Variants in GRAMD4 observed in about 807,000 individuals in gnomAD.
GRAMD4 encodes GRAM domain containing 4, also known as GRAM domain-containing protein 4.
In GRAMD4, 25 loss-of-function variants were observed where a neutral mutation model predicts 83.9. The ratio of observed to expected loss-of-function variants is 0.30; its 90% CI spans 0.22 to 0.42. The LOEUF (loss-of-function observed/expected upper bound fraction) is 0.42, where lower values mean the gene tolerates loss of function less well. Among genes scored for constraint, GRAMD4 ranks in the 10% least tolerant of loss-of-function variants. The pLI, the probability that GRAMD4 is intolerant of heterozygous loss-of-function variation, is 1.00. For missense variants in GRAMD4, 593 were observed against 788.7 expected (o/e 0.75, Z 2.97); for synonymous variants, 336 against 320.9 (o/e 1.05, Z -0.50).
chr22:46,635,076 T>C (rs1465388872), intron 2 of GRAMD4, among the ~76,000 whole-genome samples: 1 of 118,698 alleles, frequency 8.4e-6, no homozygotes, highest in Non-Finnish European at 2.1e-5. Flanking sequence ...TGGCCACTCC[T>C]GTCTTGGGGA....
At position 46,672,014 on chromosome 22, in the gene GRAMD4, C is replaced by T. The variant is rs1042208913; in HGVS notation, c.1085-829C>T. ...GGGCCCCTGCAGGGAGGGCCTGCCA[C>T]GTCTGGTCTGGTCTGGCGGGCTGTG... On this transcript the variant is annotated intron_variant, in intron 13 of 18. Transcript: ENST00000406902. This position sits in a 1 kb window ranked among gnomAD's most constrained non-coding sequence, Gnocchi z 4.7. 1.3e-5 allele frequency among the ~76,000 whole-genome samples: 2 copies of T among 152,260 alleles called. No homozygotes were observed. Among genetic ancestry groups the T allele is most frequent in the African/African-American group, 4.8e-5 (2 of 41,480 alleles).
chr22:46,673,540 G>C lies in GRAMD4; in HGVS notation c.1240-130G>C, dbSNP rs1424971221. On this transcript the variant is annotated intron_variant, in intron 14 of 18. Transcript: ENST00000406902. Reference sequence around the variant, plus strand: ...CTGGAAGAAGGAGCCGCTCTGGGCCGGAAGGGACCTCGGGAACGTCTTCCC... The same window carrying C: ...CTGGAAGAAGGAGCCGCTCTGGGCCCGAAGGGACCTCGGGAACGTCTTCCC... The C allele has an allele frequency of 6.9e-6, 8 of 1,164,432 alleles. No homozygotes were observed. In the Admixed American group the frequency reaches 1.6e-4, roughly 23 times the overall value. 72.1% of individuals were successfully genotyped at this position (1,164,432 alleles called of 1,614,324 possible). A position where few individuals can be genotyped will look rare whatever the true frequency, so the allele number is the denominator to read the frequency against.
chr22:46,671,232 A>G (rs889271485), intron 13 of GRAMD4: 2 of 290,952 alleles, frequency 6.9e-6, no homozygotes, highest in Admixed American at 7.5e-5. Context: ...CCCTCCTCAC[A>G]CCTAGCATCT....
chr22:46,680,234 G>A (rs945052348), downstream of GRAMD4, among the ~76,000 whole-genome samples: 5 of 152,084 alleles, frequency 3.3e-5, no homozygotes, highest in South Asian at 2.1e-4. Flanking sequence ...AACACTTGGG[G>A]CTTGGTCCAT....
intron 3 of GRAMD4, among the ~76,000 whole-genome samples, chr22:46,640,960 A>G (rs1034028356): frequency 2.0e-5 from 3 of 152,248 alleles, no homozygotes; most frequent in Non-Finnish European, 4.4e-5. Context: ...AAAAAAGCAA[A>G]CAGCTTTTCG....
At chr22:46,616,672 G>A (rs531903470), upstream of GRAMD4, among the ~76,000 whole-genome samples, 2 of 124,804 alleles carry the variant, frequency 1.6e-5, no homozygotes, top group African/African-American at 6.3e-5. Flanking sequence ...CTGTGTGTAG[G>A]TTCCCCTGTG....
intron 1 of GRAMD4, among the ~76,000 whole-genome samples, chr22:46,577,695 C>T (rs1416055953): frequency 1.3e-5 from 2 of 152,090 alleles, no homozygotes. Context: ...CCGGGTGGGA[C>T]GGGAGAGGAG....
In GRAMD4 at chr22:46,668,727, C is replaced by T. The variant is rs200059488; in HGVS notation, c.969C>T (p.Ile323=). The T allele has an allele frequency of 1.9e-6, 3 of 1,609,318 alleles. No homozygotes were observed. In the African/African-American group the frequency reaches 4.0e-5, roughly 21 times the overall value. ...FGKMADILEK[I]KNLFMWVQPE... is the part of the protein sequence containing the mutation. Reference sequence around the variant, plus strand: ...AGATGGCTGACATCCTGGAGAAGATCAAGAAGTAAGTCCCGCCCCCCACCC... The same window carrying T: ...AGATGGCTGACATCCTGGAGAAGATTAAGAAGTAAGTCCCGCCCCCCACCC... The change falls in exon 12 of 19, where the codon ATC becomes ATT. Residue 323 remains isoleucine (I), a synonymous_variant. Coordinates refer to ENST00000406902, the MANE Select transcript of GRAMD4 (RefSeq NM_015124.5).
At chr22:46,643,175 C>CATG (rs2082010510) in intron 3 of GRAMD4, among the ~76,000 whole-genome samples, 1 of 141,912 alleles carries the variant, frequency 7.0e-6, no homozygotes, top group Non-Finnish European at 1.5e-5. Context: ...ATCCATCCAT[C>CATG]CATCCATCCA....
At chr22:46,665,515 G>C in intron 8 of GRAMD4, 100 bp from the exon 9 acceptor site, 1 of 661,004 alleles carries the variant, frequency 1.5e-6, no homozygotes, top group East Asian at 2.7e-5. Flanking sequence ...GGGTGGCCTG[G>C]TCTCCCCACT....
At chr22:46,655,788 C>T (rs2082234300) in intron 3 of GRAMD4, among the ~76,000 whole-genome samples, 1 of 152,256 alleles carries the variant, frequency 6.6e-6, no homozygotes, top group South Asian at 2.1e-4. Context: ...AGGCCACCTG[C>T]CTCCCTTCTG....
chr22:46,666,981 TC>T, intron 10 of GRAMD4, 108 bp downstream of exon 10: 1 of 770,480 alleles, frequency 1.3e-6, no homozygotes. Context: ...CATGTGGTCA[TC>T]CCCCTGGAGT....
chr22:46,627,486 T>TGGGAGCCAGGTG (rs1189395110), intron 2 of GRAMD4, among the ~76,000 whole-genome samples: 1 of 152,244 alleles, frequency 6.6e-6, no homozygotes. Context: ...GGGCCCTGGG[T>TGGGAGCCAGGTG]GGGAGCCAGG....
At chr22:46,652,671 G>A (rs1396072184) in intron 3 of GRAMD4, among the ~76,000 whole-genome samples, 1 of 152,196 alleles carries the variant, frequency 6.6e-6, no homozygotes, top group Non-Finnish European at 1.5e-5. Context: ...GGCACAAGGA[G>A]GCCCACTCCG....
intron 1 of GRAMD4, among the ~76,000 whole-genome samples, chr22:46,610,395 T>C (rs2081405757): frequency 6.6e-6 from 1 of 152,214 alleles, no homozygotes. Context: ...CACCACCCAC[T>C]GCCACCTGTT....
In GRAMD4 at chr22:46,673,852, G is replaced by A. The variant is rs111497536; in HGVS notation, c.1384+38G>A. The A allele has an allele frequency of 5.0e-5, 80 of 1,608,086 alleles. No individual in the cohort carries two copies. The African/African-American group carries it at 6.4e-4, about 13-fold the overall frequency. ...TGAGTCTGAGGCCAGGCCGAGCGCCGACACAGACTGAAGGCCCGTGAGGGG... is the reference window on the plus strand; with the variant it reads ...TGAGTCTGAGGCCAGGCCGAGCGCCAACACAGACTGAAGGCCCGTGAGGGG... On this transcript the variant is annotated intron_variant, in intron 15 of 18. Transcript: ENST00000406902.
chr22:46,611,255 C>A (rs577947069), intron 1 of GRAMD4, among the ~76,000 whole-genome samples: 230 of 151,636 alleles, frequency 1.5e-3, no homozygotes, highest in African/African-American at 5.5e-3. Context: ...AACATCTATG[C>A]GGTCACTCTG....
At chr22:46,658,032 C>T (rs941060300) in intron 3 of GRAMD4, among the ~76,000 whole-genome samples, 155 bp from the exon 4 acceptor site, 3 of 152,106 alleles carry the variant, frequency 2.0e-5, no homozygotes, top group African/African-American at 7.2e-5. Flanking sequence ...CTGCTGTGAG[C>T]GCCCCGCACC....
chr22:46,677,441 C>CG lies in GRAMD4; in HGVS notation c.*195dup, dbSNP rs1460785293. On this transcript the variant is annotated 3_prime_UTR_variant, in exon 19 of 19. Coordinates refer to ENST00000406902, the MANE Select transcript of GRAMD4 (RefSeq NM_015124.5). ...AAGAAGGGGCCAGGGCTCACAGGGA[C>CG]GGGGGTGCCCCTCTCCCACAGGGCA... The CG allele has an allele frequency of 3.7e-6, 5 of 1,352,080 alleles. No individual in the cohort carries two copies. In the South Asian group the frequency reaches 7.4e-5, roughly 20 times the overall value. The allele number at this position is 1,352,080 out of a possible 1,614,324, so 83.8% of individuals were successfully genotyped here.
Sources: allele counts gnomAD v4.1 joint callset (sites outside exome capture counted in the v4.1 genomes callset), GRCh38; gene constraint gnomAD v4.1.1; non-coding constraint Gnocchi (gnomAD v3.1); transcripts MANE v1.5; gene names NCBI Gene and HGNC (gene_info 2026-07-23, HGNC 2026-07-21).